DCDC2: variants seen among roughly 807,000 people sequenced by gnomAD.
DCDC2 encodes the protein doublecortin domain-containing protein 2.
A neutral mutation model predicts 50.2 loss-of-function variants in DCDC2; 40 were observed. The observed-to-expected ratio is 0.80, with a 90% CI of 0.62 to 1.04. The LOEUF (loss-of-function observed/expected upper bound fraction) is 1.04, where lower values mean the gene tolerates loss of function less well. DCDC2 is among the 50% of genes least tolerant of loss of function. DCDC2 has a pLI of 0.00. For synonymous variants in DCDC2, 234 were observed against 210.6 expected (o/e 1.11, Z -0.96); for missense variants, 570 against 581.9 (o/e 0.98, Z 0.21).
chr6:24,299,851 G>A (rs1332447146), intron 4 of DCDC2, among the ~76,000 whole-genome samples: 2 of 151,892 alleles, frequency 1.3e-5, no homozygotes, highest in Admixed American at 1.3e-4. Flanking sequence ...CCCAGGAGGT[G>A]GAGGTTGCAG....
intron 6 of DCDC2, among the ~76,000 whole-genome samples, chr6:24,288,036 A>G (rs1276952440): frequency 1.3e-5 from 2 of 152,208 alleles, no homozygotes; most frequent in Non-Finnish European, 2.9e-5. Flanking sequence ...AGAATTTCAC[A>G]TGATATAACC....
At position 24,325,267 on chromosome 6, in the gene DCDC2, C is replaced by T. The variant is rs757394322; in HGVS notation, c.349-23223G>A. On this transcript the variant is annotated intron_variant, in intron 2 of 9. Coordinates refer to ENST00000378454, the MANE Select transcript of DCDC2 (RefSeq NM_016356.5). ...CATTTGCCATCTTTATTCTGTGATC[C>T]GTTTTTATGTTACAGCAAATAAGCA... is the stretch of plus-strand genomic sequence containing the variant. 1.8e-4 allele frequency among the ~76,000 whole-genome samples: 27 copies of T among 149,558 alleles called. 2 individuals are homozygous for T. Among genetic ancestry groups the T allele is most frequent in the Admixed American group, 2.0e-4 (3 of 15,000 alleles).
chr6:24,312,821 C>T (rs529764381), intron 2 of DCDC2, among the ~76,000 whole-genome samples: 1 of 152,146 alleles, frequency 6.6e-6, no homozygotes, highest in African/African-American at 2.4e-5. Context: ...ACAACTCAAA[C>T]CAAATTAACA....
At chr6:24,238,835 T>C (rs768778370) in intron 7 of DCDC2, among the ~76,000 whole-genome samples, 35 of 152,174 alleles carry the variant, frequency 2.3e-4, no homozygotes, top group Non-Finnish European at 4.0e-4. Flanking sequence ...GAATAGATTA[T>C]AGGGCAACAC....
intron 7 of DCDC2, among the ~76,000 whole-genome samples, chr6:24,272,011 T>G (rs1164037578): frequency 6.6e-6 from 1 of 152,130 alleles, no homozygotes; most frequent in Admixed American, 6.5e-5. Flanking sequence ...CTATATCAGC[T>G]ATGAAAGAAT....
At chr6:24,275,607 A>C (rs534315036) in intron 7 of DCDC2, among the ~76,000 whole-genome samples, 1 of 152,334 alleles carries the variant, frequency 6.6e-6, no homozygotes, top group African/African-American at 2.4e-5. Context: ...TGTAACAATG[A>C]GATCCAGCAA....
chr6:24,301,298 G>C (rs111678783), intron 4 of DCDC2, among the ~76,000 whole-genome samples: 12,494 of 148,546 alleles, frequency 0.084, 732 homozygotes, highest in African/African-American at 0.17. Context: ...GTGAACCCGG[G>C]AGGCGGAGCT....
chr6:24,286,137 C>T (rs796533641), intron 6 of DCDC2, among the ~76,000 whole-genome samples: 12 of 152,264 alleles, frequency 7.9e-5, no homozygotes, highest in African/African-American at 2.9e-4. Flanking sequence ...AGCCTGGGCC[C>T]TCTGTAATTC....
intron 7 of DCDC2, among the ~76,000 whole-genome samples, chr6:24,238,993 T>C (rs1762510166): frequency 6.6e-6 from 1 of 152,202 alleles, no homozygotes; most frequent in Non-Finnish European, 1.5e-5. Context: ...GTATATGACA[T>C]GCGTAATCTA....
intron 8 of DCDC2, among the ~76,000 whole-genome samples, chr6:24,190,731 T>C (rs1761295724): frequency 6.6e-6 from 1 of 152,228 alleles, no homozygotes; most frequent in African/African-American, 2.4e-5. Flanking sequence ...TTAAGAACTC[T>C]GATCATTCTC....
intron 7 of DCDC2, among the ~76,000 whole-genome samples, chr6:24,265,954 GAAAAA>G (rs746826047): frequency 8.5e-4 from 127 of 148,588 alleles, no homozygotes; most frequent in African/African-American, 2.6e-3. Flanking sequence ...ATAAATAGTG[GAAAAA>G]AAAATAAAAT....
chr6:24,378,705 A>G, the DCDC2 span, among the ~76,000 whole-genome samples: 53 of 152,194 alleles, frequency 3.5e-4, no homozygotes, highest in African/African-American at 1.2e-3. Flanking sequence ...AAAAGTTTCA[A>G]TATTACATCT....
At chr6:24,200,639 A>C (rs963970875) in intron 8 of DCDC2, among the ~76,000 whole-genome samples, 2 of 152,210 alleles carry the variant, frequency 1.3e-5, no homozygotes, top group Non-Finnish European at 2.9e-5. Flanking sequence ...GATAAAATTC[A>C]CACATAACAA....
rs939430322 is a variant in DCDC2 at position 24,253,300 on chromosome 6, C to A, written c.922+24749G>T. Among the ~76,000 whole-genome samples the A allele has an allele frequency of 5.9e-5, 9 of 152,016 alleles. No homozygotes were observed. The South Asian group carries it at 1.5e-3, about 25-fold the overall frequency. On this transcript the variant is annotated intron_variant, in intron 7 of 9. Coordinates refer to ENST00000378454, the MANE Select transcript of DCDC2 (RefSeq NM_016356.5). Reference sequence around the variant, plus strand: ...TACTAATGTGAGAATAAAAATAGTACATTATTATAGATCCTACAGGCATTT... The same window carrying A: ...TACTAATGTGAGAATAAAAATAGTAAATTATTATAGATCCTACAGGCATTT...
At chr6:24,258,877 G>T (rs1762951502) in intron 7 of DCDC2, among the ~76,000 whole-genome samples, 1 of 152,146 alleles carries the variant, frequency 6.6e-6, no homozygotes, top group Non-Finnish European at 1.5e-5. Flanking sequence ...TCCTTCATTT[G>T]CATAAATGAA....
At chr6:24,263,563 A>G (rs928602995) in intron 7 of DCDC2, among the ~76,000 whole-genome samples, 1 of 152,230 alleles carries the variant, frequency 6.6e-6, no homozygotes, top group African/African-American at 2.4e-5. Flanking sequence ...CATAAATTCT[A>G]GAGCTGAAAA....
At chr6:24,314,142 T>C (rs1174916211) in intron 2 of DCDC2, among the ~76,000 whole-genome samples, 1 of 152,176 alleles carries the variant, frequency 6.6e-6, no homozygotes, top group Admixed American at 6.5e-5. Flanking sequence ...AAAATACAAG[T>C]TATTTCAAAC....
chr6:24,185,330 T>C (rs1243366891), intron 8 of DCDC2, among the ~76,000 whole-genome samples: 1 of 152,216 alleles, frequency 6.6e-6, no homozygotes, highest in Non-Finnish European at 1.5e-5. Flanking sequence ...ACAGCTATTT[T>C]AGTAGTCATC....
At chr6:24,368,575 A>G in the DCDC2 span, among the ~76,000 whole-genome samples, 1 of 152,220 alleles carries the variant, frequency 6.6e-6, no homozygotes, top group Admixed American at 6.5e-5. Flanking sequence ...ATAGTTGTCA[A>G]TATGGAATTT....
Sources: allele counts gnomAD v4.1 joint callset (sites outside exome capture counted in the v4.1 genomes callset), GRCh38; gene constraint gnomAD v4.1.1; transcripts MANE v1.5; gene names NCBI Gene and HGNC (gene_info 2026-07-23, HGNC 2026-07-21).